Variants in RRP15 observed in about 807,000 individuals in gnomAD.
The protein encoded by RRP15 is ribosomal RNA processing 15 homolog.
A neutral mutation model predicts 27.1 loss-of-function variants in RRP15; 18 were observed. The ratio of observed to expected loss-of-function variants is 0.66; its 90% CI spans 0.46 to 0.98. The LOEUF is 0.98. RRP15 is among the 50% of genes least tolerant of loss of function. The pLI is 0.00. For missense variants in RRP15, 359 were observed against 337.8 expected (o/e 1.06, Z -0.49); for synonymous variants, 107 against 109.4 (o/e 0.98, Z 0.14).
intron 1 of RRP15, among the ~76,000 whole-genome samples, chr1:218,292,171 CAT>C (rs1655655796): frequency 6.6e-6 from 1 of 152,158 alleles, no homozygotes; most frequent in Non-Finnish European, 1.5e-5. Context: ...AATGCAAACT[CAT>C]AGCACCATAC....
intron 4 of RRP15, among the ~76,000 whole-genome samples, chr1:218,328,803 T>C (rs1188638647): frequency 6.6e-6 from 1 of 152,184 alleles, no homozygotes; most frequent in East Asian, 1.9e-4. Flanking sequence ...GTGAGCTCTC[T>C]TGTAGAAACA....
At position 218,335,197 on chromosome 1, in the gene RRP15, G is replaced by C. The variant is rs1656430460; in HGVS notation, c.*4106G>C. ...ATTAATATTTTTTACCTAGTCTACT[G>C]AACATAATTTCAGGGAGTTAGTATT... On this transcript the variant is annotated 3_prime_UTR_variant, in exon 5 of 5. Transcript: ENST00000366932. 6.6e-6 allele frequency: 1 copy of C among 152,148 alleles called. No homozygotes were observed. The highest frequency in any genetic ancestry group is 2.1e-4 in the South Asian group (1 of 4,832). The allele number at this position is 152,148 out of a possible 1,614,324, so 9.4% of individuals were successfully genotyped here.
chr1:218,318,925 G>T (rs1656132823), intron 4 of RRP15, among the ~76,000 whole-genome samples: 1 of 151,968 alleles, frequency 6.6e-6, no homozygotes, highest in South Asian at 2.1e-4. Context: ...TTTCTCATTT[G>T]TTTTCTAATT....
rs768990752 is a variant in RRP15, at chr1:218,302,275, T to C, written c.140-19T>C. 116 of 1,594,356 alleles carry C rather than the reference T, an allele frequency of 7.3e-5. No homozygotes were observed. The highest frequency in any genetic ancestry group is 9.5e-5 in the Non-Finnish European group (111 of 1,166,298). On this transcript the variant is annotated intron_variant, in intron 1 of 4. Transcript: ENST00000366932. ...TAGGATATTAAAGTTTAATTTGCCT[T>C]TACTCTTTGGTTCTATAGGAAGCTG...
At chr1:218,314,793 C>T (rs1656053894) in intron 4 of RRP15, among the ~76,000 whole-genome samples, 1 of 151,514 alleles carries the variant, frequency 6.6e-6, no homozygotes, top group Admixed American at 6.6e-5. Flanking sequence ...GAGATCGAAA[C>T]CATCCTGGCC....
At chr1:218,319,692 G>C (rs1047738575) in intron 4 of RRP15, among the ~76,000 whole-genome samples, 2 of 152,112 alleles carry the variant, frequency 1.3e-5, no homozygotes, top group Non-Finnish European at 2.9e-5. Context: ...TTCCTTACTA[G>C]ATGCAGCTTT....
rs756897942 is a variant in RRP15, at chr1:218,285,297, G to C, written c.-20G>C. 3.7e-6 allele frequency: 6 copies of C among 1,612,714 alleles called. No individual in the cohort carries two copies. The highest frequency in any genetic ancestry group is 5.1e-6 in the Non-Finnish European group (6 of 1,179,540). On this transcript the variant is annotated 5_prime_UTR_variant, in exon 1 of 5. Coordinates refer to ENST00000366932, the MANE Select transcript of RRP15 (RefSeq NM_016052.4). ...TTGCCACCGGACGCAACTGTCAGGT[G>C]ACGCTTCCGGCGCAGAAAAATGGCA...
chr1:218,317,709 C>T (rs1309392990), intron 4 of RRP15, among the ~76,000 whole-genome samples: 3 of 148,926 alleles, frequency 2.0e-5, no homozygotes, highest in Non-Finnish European at 3.0e-5. Context: ...TTAGAATCTT[C>T]CCCCATGCCC....
chr1:218,326,459 G>A (rs558469526), intron 4 of RRP15, among the ~76,000 whole-genome samples: 1 of 150,162 alleles, frequency 6.7e-6, no homozygotes, highest in African/African-American at 2.4e-5. Context: ...TTTAAATTTT[G>A]TGTTTGCATT....
At chr1:218,329,989 CTG>C (rs1213961276) in intron 4 of RRP15, among the ~76,000 whole-genome samples, 1 of 152,002 alleles carries the variant, frequency 6.6e-6, no homozygotes, top group Non-Finnish European at 1.5e-5. Flanking sequence ...AATGATAACA[CTG>C]TTTTCTAACC....
chr1:218,315,615 T>TA (rs1459691003), intron 4 of RRP15, among the ~76,000 whole-genome samples: 6 of 151,528 alleles, frequency 4.0e-5, no homozygotes, highest in African/African-American at 1.5e-4. Context: ...TATTTTATTT[T>TA]TTTTTTTTTG....
At chr1:218,299,359 C>G (rs935969451) in intron 1 of RRP15, among the ~76,000 whole-genome samples, 1 of 151,910 alleles carries the variant, frequency 6.6e-6, no homozygotes, top group Non-Finnish European at 1.5e-5. Flanking sequence ...TAAAATGGTG[C>G]TATAAACTTT....
At chr1:218,307,161 G>GA (rs1655912345) in intron 3 of RRP15, among the ~76,000 whole-genome samples, 3 of 152,160 alleles carry the variant, frequency 2.0e-5, no homozygotes, top group African/African-American at 2.4e-5. Flanking sequence ...TTGAGATCCA[G>GA]AAAAATCTTT....
intron 1 of RRP15, among the ~76,000 whole-genome samples, chr1:218,287,232 C>T (rs778951241): frequency 4.0e-5 from 6 of 150,366 alleles, no homozygotes; most frequent in Non-Finnish European, 1.5e-5. Context: ...CCACCCGTCT[C>T]GGCCTCCCAA....
chr1:218,300,033 TA>T (rs1203497321), intron 1 of RRP15, among the ~76,000 whole-genome samples: 1 of 152,114 alleles, frequency 6.6e-6, no homozygotes, highest in East Asian at 1.9e-4. Context: ...ATATATTAAC[TA>T]TATTTGTATG....
In RRP15 at chr1:218,337,215, T is replaced by C. The variant is rs1475217134; in HGVS notation, c.*6124T>C. ...TTTGGAGGATTAGGTGCTGCACCTA[T>C]AGGTTTCCATTCATTTCTCATCTAT... is the stretch of plus-strand genomic sequence containing the variant. On this transcript the variant is annotated 3_prime_UTR_variant, in exon 5 of 5. Coordinates refer to ENST00000366932, the MANE Select transcript of RRP15 (RefSeq NM_016052.4). 6.6e-6 allele frequency: 1 copy of C among 152,222 alleles called. No individual in the cohort carries two copies. Among genetic ancestry groups the C allele is most frequent in the Admixed American group, 6.5e-5 (1 of 15,282 alleles). 9.4% of individuals were successfully genotyped at this position (152,222 alleles called of 1,614,324 possible).
At chr1:218,297,717 C>G (rs1655743289) in intron 1 of RRP15, among the ~76,000 whole-genome samples, 1 of 152,112 alleles carries the variant, frequency 6.6e-6, no homozygotes, top group Admixed American at 6.6e-5. Context: ...TTACCACTTT[C>G]AGGTGGTATT....
At position 218,332,546 on chromosome 1, in the gene RRP15, C is replaced by T. The variant is rs559649458; in HGVS notation, c.*1455C>T. 2 of 152,134 alleles carry T rather than the reference C, an allele frequency of 1.3e-5. No homozygotes were observed. Among genetic ancestry groups the T allele is most frequent in the East Asian group, 3.9e-4 (2 of 5,176 alleles). 9.4% of individuals were successfully genotyped at this position (152,134 alleles called of 1,614,324 possible). On this transcript the variant is annotated 3_prime_UTR_variant, in exon 5 of 5. Coordinates refer to ENST00000366932, the MANE Select transcript of RRP15 (RefSeq NM_016052.4). ...TGTTATGTATTGAAGGATAATCCCC[C>T]CCAAAAAAACTATCCAAGAGCAGAG...
chr1:218,308,281 A>G (rs533051305), intron 4 of RRP15, among the ~76,000 whole-genome samples: 4 of 151,662 alleles, frequency 2.6e-5, no homozygotes, highest in African/African-American at 9.7e-5. Context: ...CATGTTGACC[A>G]GGCTGGTCTT....
Sources: allele counts gnomAD v4.1 joint callset (sites outside exome capture counted in the v4.1 genomes callset), GRCh38; gene constraint gnomAD v4.1.1; transcripts MANE v1.5; gene names NCBI Gene and HGNC (gene_info 2026-07-23, HGNC 2026-07-21).